The following TEX36 variants were observed in gnomAD, a reference collection of about 807,000 sequenced individuals.
TEX36 encodes testis expressed 36.
A neutral mutation model predicts 13.6 loss-of-function variants in TEX36; 12 were observed. The observed-to-expected ratio is 0.88, with a 90% CI of 0.56 to 1.43. The LOEUF (loss-of-function observed/expected upper bound fraction) is 1.43, where lower values mean the gene tolerates loss of function less well. TEX36 is among the 40% of genes most tolerant of loss of function. The pLI is 0.00. For synonymous variants in TEX36, 93 were observed against 83.0 expected, an observed-to-expected ratio of 1.12 and a Z score of -0.65; for missense variants, 224 against 228.3, an observed-to-expected ratio of 0.98 and a Z score of 0.12.
chr10:125,680,937 G>A (rs1308306269), intron 1 of TEX36, among the ~76,000 whole-genome samples: 3 of 152,076 alleles, frequency 2.0e-5, no homozygotes, highest in South Asian at 2.1e-4. Flanking sequence ...CAGAATTCAG[G>A]TTCTTCATTC....
chr10:125,661,932 T>C lies in TEX36; in HGVS notation c.97A>G (p.Ser33Gly). 6.4e-7 allele frequency: 1 copy of C among 1,552,340 alleles called. No homozygotes were observed. Among genetic ancestry groups the C allele is most frequent in the Non-Finnish European group, 8.7e-7 (1 of 1,147,132 alleles). Residue 33 changes from serine (S) to glycine (G), a missense_variant, in exon 2 of 4, where the codon AGT becomes GGT. By Grantham distance (56) the Ser-to-Gly change is moderately conservative (BLOSUM62 0). Transcript: ENST00000368821. ...CTCTGGGGCTCTTTTGACGTAGCAC[T>C]GGTGATGGATTCTGGTGTCTTTTGC... The part of the protein sequence containing the change: ...LTQKTPESIT[S>G]ATSKEPQSPH...
chr10:125,653,079 C>T (rs533397444), downstream of TEX36, among the ~76,000 whole-genome samples: 174 of 152,276 alleles, frequency 1.1e-3, 1 homozygote, highest in African/African-American at 4.2e-3. Context: ...AACAGTGTGG[C>T]AATTCCTCAA....
intron 3 of TEX36, among the ~76,000 whole-genome samples, chr10:125,640,982 G>T (rs1380847982): frequency 2.2e-5 from 3 of 137,038 alleles, no homozygotes; most frequent in African/African-American, 2.8e-5. Flanking sequence ...CCCCTCCCCC[G>T]GGAATCTTCA....
chr10:125,639,223 C>T (rs1233348361), intron 3 of TEX36, among the ~76,000 whole-genome samples: 1 of 152,160 alleles, frequency 6.6e-6, no homozygotes, highest in Non-Finnish European at 1.5e-5. Flanking sequence ...ATACTAAACA[C>T]ATTTCTATAT....
chr10:125,664,059 C>T (rs9422917), intron 1 of TEX36, among the ~76,000 whole-genome samples: 42,989 of 152,046 alleles, frequency 0.28, 9,653 homozygotes, highest in African/African-American at 0.59. Context: ...TGTTTTAATA[C>T]TCAGCTTCCA....
chr10:125,642,623 A>T (rs1189174834), intron 3 of TEX36, among the ~76,000 whole-genome samples: 1 of 152,158 alleles, frequency 6.6e-6, no homozygotes, highest in Non-Finnish European at 1.5e-5. Context: ...GCCAGGTGTG[A>T]TATTAAATAA....
intron 3 of TEX36, among the ~76,000 whole-genome samples, chr10:125,577,561 T>A (rs1363322199): frequency 6.6e-6 from 1 of 152,184 alleles, no homozygotes; most frequent in African/African-American, 2.4e-5. Flanking sequence ...TCATAAAAAA[T>A]AATTTAAAAT....
At chr10:125,604,918 C>T (rs529475914) in intron 3 of TEX36, among the ~76,000 whole-genome samples, 11 of 142,592 alleles carry the variant, frequency 7.7e-5, no homozygotes, top group African/African-American at 2.3e-4. Flanking sequence ...GGGCTCCCAC[C>T]GATTCTACAT....
At chr10:125,585,118 A>C (rs184913393) in intron 3 of TEX36, among the ~76,000 whole-genome samples, 163 of 152,264 alleles carry the variant, frequency 1.1e-3, no homozygotes, top group African/African-American at 3.9e-3. Flanking sequence ...GAAAAACACA[A>C]ATGCTGTGTG....
At chr10:125,620,874 A>G (rs1362867390), downstream of TEX36, among the ~76,000 whole-genome samples, 1 of 152,208 alleles carries the variant, frequency 6.6e-6, no homozygotes, top group Non-Finnish European at 1.5e-5. Context: ...GTAGAATCAT[A>G]TAGCATGTGT....
At chr10:125,609,464 C>G (rs1846262520) in intron 3 of TEX36, among the ~76,000 whole-genome samples, 1 of 152,172 alleles carries the variant, frequency 6.6e-6, no homozygotes, top group African/African-American at 2.4e-5. Context: ...GTGATCTAAC[C>G]AACAGAATGT....
At chr10:125,661,149 T>C in intron 2 of TEX36, 48 bp from the exon 3 acceptor site, 12 of 1,451,800 alleles carry the variant, frequency 8.3e-6, no homozygotes, top group Non-Finnish European at 1.1e-5. Flanking sequence ...GAACCCTGCA[T>C]GCTTTCAGAA....
chr10:125,600,679 A>G (rs117722735), intron 3 of TEX36, among the ~76,000 whole-genome samples: 1 of 152,174 alleles, frequency 6.6e-6, no homozygotes, highest in African/African-American at 2.4e-5. Flanking sequence ...CCCTCTATGC[A>G]ATGGCCTTTG....
chr10:125,639,604 G>A (rs1452999258), intron 3 of TEX36, among the ~76,000 whole-genome samples: 1 of 152,010 alleles, frequency 6.6e-6, no homozygotes, highest in South Asian at 2.1e-4. Flanking sequence ...GGGCAATGTG[G>A]GGGGGTGGGG....
At chr10:125,640,372 G>A (rs544253996) in intron 3 of TEX36, among the ~76,000 whole-genome samples, 4 of 152,236 alleles carry the variant, frequency 2.6e-5, no homozygotes, top group East Asian at 1.9e-4. Context: ...GAAATCACAC[G>A]CTACACCTAA....
At chr10:125,679,538 T>C (rs1186532077) in intron 1 of TEX36, among the ~76,000 whole-genome samples, 1 of 152,156 alleles carries the variant, frequency 6.6e-6, no homozygotes, top group African/African-American at 2.4e-5. Flanking sequence ...CGAGAAGTTC[T>C]CCATGGCCAG....
At chr10:125,593,463 TCA>T (rs1846046850) in intron 3 of TEX36, among the ~76,000 whole-genome samples, 1 of 152,174 alleles carries the variant, frequency 6.6e-6, no homozygotes, top group East Asian at 1.9e-4. Context: ...TCTCTAGACC[TCA>T]GAGTCCCATT....
At chr10:125,651,060 C>G (rs769101977), downstream of TEX36, among the ~76,000 whole-genome samples, 2 of 152,156 alleles carry the variant, frequency 1.3e-5, no homozygotes, top group Non-Finnish European at 2.9e-5. Flanking sequence ...CCGAATTCTA[C>G]CAGAGGTACA....
intron 3 of TEX36, among the ~76,000 whole-genome samples, chr10:125,600,976 T>C (rs1846138788): frequency 6.6e-6 from 1 of 152,228 alleles, no homozygotes; most frequent in African/African-American, 2.4e-5. Flanking sequence ...AAGAATACAG[T>C]GTATTTGCTG....
Sources: allele counts gnomAD v4.1 joint callset (sites outside exome capture counted in the v4.1 genomes callset), GRCh38; gene constraint gnomAD v4.1.1; transcripts MANE v1.5; gene names NCBI Gene and HGNC (gene_info 2026-07-23, HGNC 2026-07-21).